TSPAN9: variants seen among roughly 807,000 people sequenced by gnomAD.
The protein encoded by TSPAN9 is tetraspanin 9, also known as tetraspanin-9.
A neutral mutation model predicts 31.0 loss-of-function variants in TSPAN9; 16 were observed. That is an observed-to-expected ratio of 0.52 (90% CI 0.35 to 0.78). TSPAN9 has a LOEUF of 0.78. Among genes scored for constraint, TSPAN9 ranks in the 30% least tolerant of loss-of-function variants. The pLI is 0.01. For missense variants in TSPAN9, 272 were observed against 312.5 expected, an observed-to-expected ratio of 0.87 and a Z score of 0.98; for synonymous variants, 145 against 121.6, an observed-to-expected ratio of 1.19 and a Z score of -1.27.
At chr12:3,158,215 G>A (rs1734619486) in intron 2 of TSPAN9, among the ~76,000 whole-genome samples, 1 of 152,156 alleles carries the variant, frequency 6.6e-6, no homozygotes. Flanking sequence ...TGCTTTGTCA[G>A]CACTCTCCCC....
intron 3 of TSPAN9, among the ~76,000 whole-genome samples, chr12:3,233,672 G>GT (rs1315015405): frequency 2.0e-5 from 3 of 152,176 alleles, no homozygotes; most frequent in Non-Finnish European, 4.4e-5. Context: ...ATTGTTACCA[G>GT]TTTTTTGCTG....
At chr12:3,278,259 C>T (rs962351750) in intron 3 of TSPAN9, among the ~76,000 whole-genome samples, 162 bp from the exon 4 acceptor site, 8 of 152,226 alleles carry the variant, frequency 5.3e-5, no homozygotes, top group African/African-American at 4.8e-5. Context: ...GTCACACAGC[C>T]GACATGCTTC....
chr12:3,200,594 C>G (rs1035380545), intron 2 of TSPAN9: 3 of 152,354 alleles, frequency 2.0e-5, no homozygotes, highest in African/African-American at 7.2e-5. Context: ...GGCGAGCTGA[C>G]GGCCTGGAAA....
intron 3 of TSPAN9, among the ~76,000 whole-genome samples, chr12:3,267,175 A>C (rs1268817798): frequency 6.6e-6 from 1 of 152,202 alleles, no homozygotes; most frequent in Non-Finnish European, 1.5e-5. Context: ...CGCCATCCTG[A>C]AGAATGAGTT....
Position 3,283,072 on chromosome 12 carries a change from C to G in TSPAN9, c.676C>G (p.Leu226Val). 6.2e-7 allele frequency: 1 copy of G among 1,609,628 alleles called. No homozygotes were observed. Among genetic ancestry groups the G allele is most frequent in the Non-Finnish European group, 8.5e-7 (1 of 1,180,004 alleles). The change falls in exon 9 of 9, where the codon CTC (leucine) becomes GTC (valine). Residue 226 changes from leucine (L) to valine (V), a missense_variant. Coordinates refer to ENST00000011898, the MANE Select transcript of TSPAN9 (RefSeq NM_006675.5). ...CCTGGGCATGGCCTTCTCCATGACCCTCTTCCAGCACATCCACCGGACTGG... is the reference window on the plus strand; with the variant it reads ...CCTGGGCATGGCCTTCTCCATGACCGTCTTCCAGCACATCCACCGGACTGG... ...QILGMAFSMT[L>V]FQHIHRTGKK...
chr12:3,144,153 T>A lies in TSPAN9; in HGVS notation c.-17-57024T>A, dbSNP rs562000388. ...AGTCTTGCTGTCACCCAGGCTGGAG[T>A]GCAGTGGTGCGATCTTGGCTCAGTG... On this transcript the variant is annotated intron_variant, in intron 2 of 8. Coordinates refer to ENST00000011898, the MANE Select transcript of TSPAN9 (RefSeq NM_006675.5). 2.0e-5 allele frequency among the ~76,000 whole-genome samples: 3 copies of A among 152,274 alleles called. No individual in the cohort carries two copies. In the East Asian group the frequency reaches 5.8e-4, roughly 29 times the overall value.
intron 3 of TSPAN9, among the ~76,000 whole-genome samples, chr12:3,233,656 G>T (rs1050754876): frequency 2.6e-5 from 4 of 152,142 alleles, no homozygotes; most frequent in Non-Finnish European, 2.9e-5. Context: ...ATTTCATTGT[G>T]TGTTCATTGT....
intron 1 of TSPAN9, among the ~76,000 whole-genome samples, chr12:3,079,066 G>T (rs539815731): frequency 7.3e-5 from 11 of 150,650 alleles, no homozygotes; most frequent in African/African-American, 2.4e-4. Flanking sequence ...TGCAACCCCC[G>T]CGTCCCAGGT....
chr12:3,243,240 G>A (rs1239170046), intron 3 of TSPAN9, among the ~76,000 whole-genome samples: 2 of 152,102 alleles, frequency 1.3e-5, no homozygotes, highest in Non-Finnish European at 2.9e-5. Context: ...TTGTCTGCTG[G>A]ACTCACCCAT....
chr12:3,127,557 G>C (rs770035237), intron 2 of TSPAN9, among the ~76,000 whole-genome samples: 13 of 151,880 alleles, frequency 8.6e-5, no homozygotes, highest in Non-Finnish European at 1.8e-4. Flanking sequence ...GGGTTTCACC[G>C]TGTTAGCCAG....
rs1197428144 is a variant in TSPAN9, at chr12:3,105,803, TGCGCACACACGCACAC to T, written c.-18+22095_-18+22110del. ...ACGCTCATACACACTCACGCACACA[TGCGCACACACGCACAC>T]GCGCACACACACTTTCATACACACG... On this transcript the variant is annotated intron_variant, in intron 2 of 8. Coordinates refer to ENST00000011898, the MANE Select transcript of TSPAN9 (RefSeq NM_006675.5). Among the ~76,000 whole-genome samples, 5 of 100,558 alleles carry T rather than the reference TGCGCACACACGCACAC, an allele frequency of 5.0e-5. No individual in the cohort carries two copies. In the East Asian group the frequency reaches 1.2e-3, roughly 24 times the overall value. 66.0% of individuals were successfully genotyped at this position (100,558 alleles called of 152,430 possible).
intron 2 of TSPAN9, among the ~76,000 whole-genome samples, chr12:3,106,115 C>A (rs191597837): frequency 6.6e-6 from 1 of 152,256 alleles, no homozygotes; most frequent in African/African-American, 2.4e-5. Context: ...CATGCCTGCC[C>A]ATGCTGTGGC....
chr12:3,155,766 A>G (rs1298340431), intron 2 of TSPAN9, among the ~76,000 whole-genome samples: 1 of 152,140 alleles, frequency 6.6e-6, no homozygotes, highest in Non-Finnish European at 1.5e-5. Context: ...TTTTCCCATC[A>G]CGCAGTGAGG....
At position 3,281,186 on chromosome 12, in the gene TSPAN9, C is replaced by A. The variant is rs1158043343; in HGVS notation, c.433-12C>A. 2 of 1,550,818 alleles carry A rather than the reference C, an allele frequency of 1.3e-6. 1 individual carries two copies. Among genetic ancestry groups the A allele is most frequent in the South Asian group, 2.4e-5 (2 of 84,016 alleles). On this transcript the variant is annotated splice_polypyrimidine_tract_variant and intron_variant, in intron 6 of 8. Transcript: ENST00000011898. ...GGCATGTCTGACTGCCCCTTCCATT[C>A]CTGCTGGCCAGATGCGATGCTGTGG... is the stretch of plus-strand genomic sequence containing the variant.
At chr12:3,198,676 C>CACCACCAGCACAGGT (rs2098368998) in intron 2 of TSPAN9, among the ~76,000 whole-genome samples, 1 of 77,450 alleles carries the variant, frequency 1.3e-5, no homozygotes, top group African/African-American at 6.8e-5. Flanking sequence ...CCAGCACAGG[C>CACCACCAGCACAGGT]CACCACCAGC....
At chr12:3,218,695 G>T (rs575905525) in intron 3 of TSPAN9, among the ~76,000 whole-genome samples, 1 of 152,328 alleles carries the variant, frequency 6.6e-6, no homozygotes, top group Admixed American at 6.5e-5. Flanking sequence ...CTAGCACTGG[G>T]GGCTGAGCCC....
intron 3 of TSPAN9, among the ~76,000 whole-genome samples, chr12:3,213,074 T>G (rs1442645302): frequency 6.6e-6 from 1 of 152,078 alleles, no homozygotes; most frequent in Non-Finnish European, 1.5e-5. Context: ...GCGCTAGGAA[T>G]TGCTTGGGTA....
chr12:3,225,091 A>G (rs569555829), intron 3 of TSPAN9, among the ~76,000 whole-genome samples: 34 of 152,324 alleles, frequency 2.2e-4, no homozygotes, highest in African/African-American at 7.9e-4. Context: ...ACAGTGGAAC[A>G]GAGACAAAGA....
At chr12:3,161,063 A>ATTTTGTATTT (rs2098344899) in intron 2 of TSPAN9, among the ~76,000 whole-genome samples, 1 of 152,204 alleles carries the variant, frequency 6.6e-6, no homozygotes, top group African/African-American at 2.4e-5. Flanking sequence ...TCTACTAAAA[A>ATTTTGTATTT]TACAAAATTA....
Sources: allele counts gnomAD v4.1 joint callset (sites outside exome capture counted in the v4.1 genomes callset), GRCh38; gene constraint gnomAD v4.1.1; transcripts MANE v1.5; gene names NCBI Gene and HGNC (gene_info 2026-07-23, HGNC 2026-07-21).